GPC3: variants seen among roughly 807,000 people sequenced by gnomAD.
The protein encoded by GPC3 is glypican-3.
Under a neutral mutation model 34.4 loss-of-function variants are expected in GPC3, and 3 were observed. That is an observed-to-expected ratio of 0.09 (90% confidence interval 0.04 to 0.23). The LOEUF is 0.23. GPC3 is among the 10% of genes least tolerant of loss of function. The pLI is 1.00. For missense variants in GPC3, 351 were observed against 445.6 expected (o/e 0.79, Z 1.91); for synonymous variants, 177 against 174.0 (o/e 1.02, Z -0.13).
chrX:133,943,287 GAATACAGGACTATTTGACTTAAAAGACTA>G (rs1207823574), intron 2 of GPC3, among the ~76,000 whole-genome samples: 1 of 112,111 alleles, frequency 8.9e-6, no homozygotes, highest in East Asian at 2.8e-4. Flanking sequence ...AAGAGTATTT[GAATACAGGACTATTTGACTTAAAAGACTA>G]TCTATTCTGA....
At chrX:133,649,811 G>A (rs748186098) in intron 6 of GPC3, among the ~76,000 whole-genome samples, 1 of 111,889 alleles carries the variant, frequency 8.9e-6, no homozygotes, top group Non-Finnish European at 1.9e-5. Flanking sequence ...AGGCAGCAGG[G>A]GGCAGCTTTC....
chrX:133,669,492 C>A (rs2070806024), intron 5 of GPC3, among the ~76,000 whole-genome samples: 1 of 112,033 alleles, frequency 8.9e-6, no homozygotes, highest in Non-Finnish European at 1.9e-5. Flanking sequence ...CTCAGGCTAG[C>A]TCTGTGCCAC....
At chrX:133,946,960 T>G in intron 2 of GPC3, among the ~76,000 whole-genome samples, 1 of 111,632 alleles carries the variant, frequency 9.0e-6, no homozygotes, top group Non-Finnish European at 1.9e-5. Context: ...TGTTACCATT[T>G]CCAGCTTAGA....
intron 3 of GPC3, among the ~76,000 whole-genome samples, chrX:133,738,647 A>G (rs1265542183): frequency 8.9e-6 from 1 of 111,996 alleles, no homozygotes; most frequent in Non-Finnish European, 1.9e-5. Flanking sequence ...AGCCATAAAC[A>G]CAGCTTGAGT....
intron 3 of GPC3, among the ~76,000 whole-genome samples, chrX:133,714,939 C>G (rs1351106423): frequency 8.9e-6 from 1 of 111,743 alleles, no homozygotes; most frequent in African/African-American, 3.3e-5. Flanking sequence ...CTGGAGGGAG[C>G]AGAATGGGGT....
intron 6 of GPC3, among the ~76,000 whole-genome samples, chrX:133,654,845 A>C (rs1158803278): frequency 8.9e-6 from 1 of 112,345 alleles, no homozygotes; most frequent in Non-Finnish European, 1.9e-5. Flanking sequence ...CTGGTAGTCT[A>C]TATTGTTTGA....
At chrX:133,670,660 G>T (rs190627013) in intron 5 of GPC3, among the ~76,000 whole-genome samples, 1 of 111,883 alleles carries the variant, frequency 8.9e-6, no homozygotes, top group East Asian at 2.8e-4. Context: ...TCCTTGGAAC[G>T]CATTCTGGCC....
chrX:133,729,236 C>T (rs760605895), intron 3 of GPC3, among the ~76,000 whole-genome samples: 76 of 111,366 alleles, frequency 6.8e-4, no homozygotes, highest in Non-Finnish European at 1.0e-3. Context: ...CTGCTCAGAA[C>T]ATGTATCTGG....
intron 3 of GPC3, among the ~76,000 whole-genome samples, chrX:133,710,784 T>G (rs1392189305): frequency 8.9e-6 from 1 of 112,218 alleles, no homozygotes; most frequent in Non-Finnish European, 1.9e-5. Flanking sequence ...ATGCTCCTTA[T>G]GTAGAAGAGA....
In GPC3 at chrX:133,904,419, T is replaced by C. The variant is rs748305439; in HGVS notation, c.337+48631A>G. On this transcript the variant is annotated intron_variant, in intron 2 of 7. Transcript: ENST00000370818. ...AACACCAGAAAGAACCAAGGAATAA[T>C]GAAATGGAGTGCTAAAACTATTATC... is the stretch of plus-strand genomic sequence containing the variant. Among the ~76,000 whole-genome samples the C allele has an allele frequency of 2.9e-3, 322 of 111,702 alleles. 1 individual carries two copies. Among genetic ancestry groups the C allele is most frequent in the African/African-American group, 9.8e-3 (302 of 30,675 alleles).
At chrX:133,943,839 A>G (rs1038921725) in intron 2 of GPC3, among the ~76,000 whole-genome samples, 8 of 111,791 alleles carry the variant, frequency 7.2e-5, no homozygotes, top group African/African-American at 2.6e-4. Context: ...CCTCAGAGTT[A>G]TGGGGCCAGA....
intron 2 of GPC3, among the ~76,000 whole-genome samples, chrX:133,818,370 G>A (rs1603253503): frequency 9.0e-6 from 1 of 111,500 alleles, no homozygotes; most frequent in African/African-American, 3.3e-5. Context: ...TTAAAATTAC[G>A]ACATCCAAAA....
At chrX:133,960,439 T>C (rs2076436769) in intron 1 of GPC3, among the ~76,000 whole-genome samples, 1 of 111,911 alleles carries the variant, frequency 8.9e-6, no homozygotes, top group African/African-American at 3.2e-5. Flanking sequence ...TCATGTTCTA[T>C]ATGTTGGTTA....
At chrX:133,910,788 T>C (rs764081690) in intron 2 of GPC3, among the ~76,000 whole-genome samples, 4 of 112,062 alleles carry the variant, frequency 3.6e-5, no homozygotes, top group African/African-American at 1.3e-4. Context: ...CTGAGGAGCA[T>C]AGAACATCAC....
chrX:133,555,099 G>C (rs2069475318), intron 7 of GPC3, among the ~76,000 whole-genome samples: 2 of 111,702 alleles, frequency 1.8e-5, no homozygotes, highest in African/African-American at 6.5e-5. Flanking sequence ...CACCCAGGTG[G>C]AGTGCAGTGA....
intron 3 of GPC3, among the ~76,000 whole-genome samples, chrX:133,702,727 C>A (rs964486967): frequency 1.8e-5 from 2 of 111,430 alleles, no homozygotes; most frequent in African/African-American, 6.5e-5. Flanking sequence ...TATTATCAAG[C>A]CAACTTTCCA....
chrX:133,542,514 G>C (rs942676750), intron 7 of GPC3, among the ~76,000 whole-genome samples: 1 of 112,169 alleles, frequency 8.9e-6, no homozygotes, highest in Non-Finnish European at 1.9e-5. Context: ...CCAACAGGAA[G>C]ACTTCACAGG....
chrX:133,646,215 T>C (rs377602058), intron 6 of GPC3, among the ~76,000 whole-genome samples: 3 of 110,482 alleles, frequency 2.7e-5, no homozygotes, highest in African/African-American at 6.6e-5. Context: ...GGCAACGACA[T>C]GGGGACAGAA....
intron 7 of GPC3, among the ~76,000 whole-genome samples, chrX:133,568,026 C>G (rs1250396196): frequency 2.7e-5 from 3 of 112,248 alleles, no homozygotes; most frequent in Admixed American, 1.9e-4. Flanking sequence ...TGAATGGATT[C>G]AAGTCCTCAG....
Sources: allele counts gnomAD v4.1 joint callset (sites outside exome capture counted in the v4.1 genomes callset), GRCh38; gene constraint gnomAD v4.1.1; transcripts MANE v1.5; gene names NCBI Gene and HGNC (gene_info 2026-07-23, HGNC 2026-07-21).